Variants in AATF observed in about 807,000 individuals in gnomAD.
AATF encodes the protein apoptosis antagonizing transcription factor.
AATF carries 48 observed loss-of-function variants against 63.7 expected under a neutral mutation model. The ratio of observed to expected loss-of-function variants is 0.75; its 90% CI spans 0.60 to 0.96. The LOEUF is 0.96. Among genes scored for constraint, AATF ranks in the 40% least tolerant of loss-of-function variants. The pLI is 0.00. For missense variants in AATF, 639 were observed against 685.7 expected (o/e 0.93, Z 0.76); for synonymous variants, 258 against 247.7 (o/e 1.04, Z -0.39).
At chr17:37,003,386 T>C (rs1471501875) in intron 8 of AATF, among the ~76,000 whole-genome samples, 1 of 151,504 alleles carries the variant, frequency 6.6e-6, no homozygotes, top group Non-Finnish European at 1.5e-5. Context: ...ATCTTCATGC[T>C]GCAGGTAGAT....
chr17:36,964,763 C>G (rs9907054), intron 4 of AATF, among the ~76,000 whole-genome samples: 16,122 of 151,362 alleles, frequency 0.11, 2,789 homozygotes, highest in African/African-American at 0.36. Flanking sequence ...CCCCCTCCCC[C>G]CCACTGTAGC....
intron 1 of AATF, 126 bp from the exon 2 acceptor site, chr17:36,950,088 A>G (rs2070841271): frequency 1.9e-6 from 2 of 1,042,186 alleles, no homozygotes; most frequent in East Asian, 2.4e-5. Flanking sequence ...TGAATTTCCT[A>G]TTCCTGGAAG....
rs2071009164 is a variant in AATF at position 36,968,266 on chromosome 17, C to CTTTTTTTTTTTTTT, written c.832+14362_832+14363insTTTTTTTTTTTTTT. ...CTTTTTTCTTTTTCTTTCTTTCCTT[C>CTTTTTTTTTTTTTT]TTTCTTTTTTTTTTTTTTTTTTTTT... On this transcript the variant is annotated intron_variant, in intron 4 of 11. Transcript: ENST00000619387. 3.0e-4 allele frequency among the ~76,000 whole-genome samples: 23 copies of CTTTTTTTTTTTTTT among 75,578 alleles called. 6 individuals carry two copies. The highest frequency in any genetic ancestry group is 1.1e-3 in the African/African-American group (20 of 18,500). The allele number at this position is 75,578 out of a possible 152,430, so 49.6% of individuals were successfully genotyped here.
At chr17:36,967,065 T>G (rs1348350350) in intron 4 of AATF, among the ~76,000 whole-genome samples, 1 of 152,182 alleles carries the variant, frequency 6.6e-6, no homozygotes, top group Non-Finnish European at 1.5e-5. Context: ...TATCTTTTTT[T>G]GTTTTTTGTT....
intron 8 of AATF, among the ~76,000 whole-genome samples, chr17:36,995,107 G>A (rs8073172): frequency 0.26 from 39,438 of 152,108 alleles, 7,080 homozygotes; most frequent in African/African-American, 0.52. Flanking sequence ...GTTCATTAGG[G>A]TTTTGTATGT....
chr17:36,957,066 A>G (rs889515086), intron 4 of AATF, among the ~76,000 whole-genome samples: 1 of 152,218 alleles, frequency 6.6e-6, no homozygotes, highest in Non-Finnish European at 1.5e-5. Flanking sequence ...CTGGTGTGGA[A>G]CATAGGCTGA....
chr17:36,950,180 G>T, intron 1 of AATF, 34 bp from the exon 2 acceptor site: 1 of 1,602,786 alleles, frequency 6.2e-7, no homozygotes, highest in Non-Finnish European at 8.5e-7. Context: ...TGCTAACCTG[G>T]AGATTCTGTT....
intron 11 of AATF, among the ~76,000 whole-genome samples, chr17:37,039,656 C>T (rs190759365): frequency 1.2e-4 from 18 of 152,232 alleles, no homozygotes; most frequent in African/African-American, 4.3e-4. Context: ...GGATGGCGTC[C>T]AGCACAGAGA....
In AATF at chr17:36,969,006, G is replaced by T. The variant is rs545938756; in HGVS notation, c.832+15099G>T. ...TTTTTGTTGTTGTTTTTTTGCTTTC[G>T]CTTTAACTCCTGTGTAACATGTTAC... On this transcript the variant is annotated intron_variant, in intron 4 of 11. Transcript: ENST00000619387. Among the ~76,000 whole-genome samples the T allele has an allele frequency of 1.3e-3, 196 of 151,924 alleles. 2 individuals carry two copies. The highest frequency in any genetic ancestry group is 4.7e-3 in the African/African-American group (193 of 41,366).
chr17:37,037,540 G>A (rs1216554098), intron 11 of AATF, among the ~76,000 whole-genome samples: 2 of 152,158 alleles, frequency 1.3e-5, no homozygotes, highest in Non-Finnish European at 2.9e-5. Context: ...TAGAAACAGT[G>A]CTTACATTGT....
rs78993947 is a variant in AATF, at chr17:37,050,734, A to G, written c.1620-5867A>G. On this transcript the variant is annotated intron_variant, in intron 11 of 11. Coordinates refer to ENST00000619387, the MANE Select transcript of AATF (RefSeq NM_012138.4). ...TTTCTTCTTTTCCCTTGATTCTGCA[A>G]TGTATGTATGGGATTGAGTTAAGGC... Among the ~76,000 whole-genome samples the G allele has an allele frequency of 4.7e-3, 711 of 152,236 alleles. 1 individual carries two copies. Among genetic ancestry groups the G allele is most frequent in the African/African-American group, 0.016 (667 of 41,514 alleles).
At chr17:37,002,634 T>C (rs1180862990) in intron 8 of AATF, among the ~76,000 whole-genome samples, 2 of 150,770 alleles carry the variant, frequency 1.3e-5, no homozygotes, top group Non-Finnish European at 2.9e-5. Context: ...ATAACGCCAC[T>C]GCAGTCCAGC....
intron 10 of AATF, 184 bp from the exon 11 acceptor site, chr17:37,031,430 C>A: frequency 1.6e-6 from 1 of 616,218 alleles, no homozygotes; most frequent in South Asian, 1.9e-5. Context: ...CCACAGATAC[C>A]ATGGGATGAC....
chr17:36,992,499 C>T, intron 8 of AATF, among the ~76,000 whole-genome samples: 1 of 152,018 alleles, frequency 6.6e-6, no homozygotes, highest in Non-Finnish European at 1.5e-5. Flanking sequence ...TTCCAGTCCT[C>T]ATTAATTGAA....
chr17:36,970,534 CTTTTTTCTTTT>C lies in AATF; in HGVS notation c.833-16076_833-16066del, dbSNP rs760575662. ...TGGAGAATGGATAGTTTCTTTCTTT[CTTTTTTCTTTT>C]TTTTTTTTTTTTTAAGAGACAGTGT... is the stretch of plus-strand genomic sequence containing the variant. On this transcript the variant is annotated intron_variant, in intron 4 of 11. Coordinates refer to ENST00000619387, the MANE Select transcript of AATF (RefSeq NM_012138.4). Among the ~76,000 whole-genome samples the C allele has an allele frequency of 3.9e-3, 495 of 125,674 alleles. 2 individuals are homozygous for C. Among genetic ancestry groups the C allele is most frequent in the Middle Eastern group, 0.011 (3 of 272 alleles). The allele number at this position is 125,674 out of a possible 152,430, so 82.4% of individuals were successfully genotyped here.
intron 11 of AATF, among the ~76,000 whole-genome samples, chr17:37,043,859 G>A (rs985217448): frequency 1.3e-5 from 2 of 152,074 alleles, no homozygotes; most frequent in African/African-American, 4.8e-5. Context: ...CTGGATTCTT[G>A]AGAATAAAAT....
intron 2 of AATF, among the ~76,000 whole-genome samples, chr17:36,952,067 C>G (rs1202325591): frequency 6.6e-6 from 1 of 152,252 alleles, no homozygotes; most frequent in Non-Finnish European, 1.5e-5. Flanking sequence ...GGATCAAGTT[C>G]AGAGTCCTCA....
At chr17:37,051,602 A>G (rs1298250074) in intron 11 of AATF, among the ~76,000 whole-genome samples, 2 of 151,940 alleles carry the variant, frequency 1.3e-5, no homozygotes, top group Non-Finnish European at 2.9e-5. Context: ...AAGTGATTGC[A>G]GTTCACAGCT....
intron 4 of AATF, among the ~76,000 whole-genome samples, chr17:36,958,188 A>T (rs2070917791): frequency 6.7e-6 from 1 of 149,492 alleles, no homozygotes; most frequent in Non-Finnish European, 1.5e-5. Flanking sequence ...TTTGAGATGG[A>T]GTCTCTCTCT....
Sources: allele counts gnomAD v4.1 joint callset (sites outside exome capture counted in the v4.1 genomes callset), GRCh38; gene constraint gnomAD v4.1.1; transcripts MANE v1.5; gene names NCBI Gene and HGNC (gene_info 2026-07-23, HGNC 2026-07-21).